The following MAML2 variants were observed in gnomAD, a reference collection of about 807,000 sequenced individuals.
MAML2 encodes the protein mastermind-like protein 2.
In MAML2, 22 loss-of-function variants were observed where a neutral mutation model predicts 96.1. That is an observed-to-expected ratio of 0.23 (90% CI 0.16 to 0.33). The LOEUF (loss-of-function observed/expected upper bound fraction) is 0.33, where lower values mean the gene tolerates loss of function less well. MAML2 is among the 10% of genes least tolerant of loss of function. MAML2 has a pLI of 1.00. For synonymous variants in MAML2, 561 were observed against 521.3 expected, an observed-to-expected ratio of 1.08 and a Z score of -1.04; for missense variants, 1,367 against 1,392.4, an observed-to-expected ratio of 0.98 and a Z score of 0.29.
chr11:96,248,804 T>C (rs1227426431), intron 1 of MAML2, among the ~76,000 whole-genome samples: 1 of 152,248 alleles, frequency 6.6e-6, no homozygotes. Context: ...TCATTTCTTA[T>C]GGATCTACTC....
chr11:96,074,779 T>C (rs555428257), intron 2 of MAML2, among the ~76,000 whole-genome samples: 31 of 152,176 alleles, frequency 2.0e-4, no homozygotes, highest in Non-Finnish European at 4.4e-4. Context: ...AGATTTCGAG[T>C]TATCTTTCTA....
At chr11:96,005,965 T>A (rs1378522797) in intron 2 of MAML2, among the ~76,000 whole-genome samples, 2 of 151,738 alleles carry the variant, frequency 1.3e-5, no homozygotes, top group African/African-American at 4.9e-5. Flanking sequence ...TTACAGGTTG[T>A]CTATTAGACA....
chr11:96,035,104 C>T (rs2135750182), intron 2 of MAML2, among the ~76,000 whole-genome samples: 1 of 152,032 alleles, frequency 6.6e-6, no homozygotes, highest in South Asian at 2.1e-4. Context: ...AATTTAACTC[C>T]CAAAGAAGGA....
At chr11:96,129,239 T>C (rs1024228063) in intron 1 of MAML2, among the ~76,000 whole-genome samples, 1 of 152,242 alleles carries the variant, frequency 6.6e-6, no homozygotes, top group African/African-American at 2.4e-5. Flanking sequence ...ATTCTCACTT[T>C]TTCTTTTCCT....
At chr11:96,331,570 A>G (rs942045805) in intron 1 of MAML2, among the ~76,000 whole-genome samples, 13 of 151,558 alleles carry the variant, frequency 8.6e-5, no homozygotes, top group Admixed American at 5.9e-4. Flanking sequence ...GGCCAAGGTG[A>G]GTGGATCACT....
intron 1 of MAML2, among the ~76,000 whole-genome samples, chr11:96,141,367 TC>T (rs909210281): frequency 2.6e-5 from 4 of 152,126 alleles, no homozygotes; most frequent in Non-Finnish European, 5.9e-5. Flanking sequence ...CCTTGACATC[TC>T]CCCTGAAATA....
intron 1 of MAML2, among the ~76,000 whole-genome samples, chr11:96,143,491 C>T (rs535602481): frequency 6.6e-5 from 10 of 152,134 alleles, no homozygotes; most frequent in Non-Finnish European, 1.5e-4. Context: ...TCCGAAGCTG[C>T]AGGGATTTCC....
intron 1 of MAML2, among the ~76,000 whole-genome samples, chr11:96,161,125 A>G (rs1861097077): frequency 6.6e-6 from 1 of 152,222 alleles, no homozygotes; most frequent in South Asian, 2.1e-4. Flanking sequence ...GGAAGCCACT[A>G]GAAACTGCAG....
At position 95,976,951 on chromosome 11, in the gene MAML2, C is replaced by T. The variant is rs930542174; in HGVS notation, c.*1997G>A. ...AATACAATGTGCACAGCAGAAGAAT[C>T]AAATAAGACACAAGAACTATGGGTT... On this transcript the variant is annotated 3_prime_UTR_variant, in exon 5 of 5. Coordinates refer to ENST00000524717, the MANE Select transcript of MAML2 (RefSeq NM_032427.4). The T allele has an allele frequency of 4.1e-5, 8 of 197,028 alleles. No individual in the cohort carries two copies. The highest frequency in any genetic ancestry group is 8.4e-5 in the Non-Finnish European group (8 of 95,142). The allele number at this position is 197,028 out of a possible 1,614,324, so 12.2% of individuals were successfully genotyped here. A position where few individuals can be genotyped will look rare whatever the true frequency, so the allele number is the denominator to read the frequency against.
intron 4 of MAML2, among the ~76,000 whole-genome samples, chr11:95,980,871 G>A (rs554897191): frequency 8.5e-5 from 13 of 152,176 alleles, no homozygotes; most frequent in Non-Finnish European, 8.8e-5. Context: ...GCAGACAAGG[G>A]TCTCCCCCAC....
intron 1 of MAML2, among the ~76,000 whole-genome samples, chr11:96,246,425 G>A (rs1008579764): frequency 2.0e-5 from 3 of 152,074 alleles, no homozygotes; most frequent in African/African-American, 7.2e-5. Flanking sequence ...AAAATGCTAT[G>A]GAAGCACAAG....
At chr11:96,010,356 T>C (rs1448412602) in intron 2 of MAML2, among the ~76,000 whole-genome samples, 4 of 152,194 alleles carry the variant, frequency 2.6e-5, no homozygotes, top group Admixed American at 2.6e-4. Context: ...GCAAATCTAC[T>C]AGAAGATACA....
chr11:96,010,646 G>T (rs1051634437), intron 2 of MAML2, among the ~76,000 whole-genome samples: 27 of 152,150 alleles, frequency 1.8e-4, no homozygotes, highest in Admixed American at 6.5e-5. Context: ...ATAGTATTTT[G>T]AACCAAAAAG....
chr11:96,182,892 C>T (rs933850570), intron 1 of MAML2, among the ~76,000 whole-genome samples: 13 of 151,996 alleles, frequency 8.6e-5, no homozygotes, highest in African/African-American at 2.7e-4. Flanking sequence ...GCTATCATAC[C>T]CGTTAATTAT....
At chr11:96,314,027 T>C (rs569017518) in intron 1 of MAML2, among the ~76,000 whole-genome samples, 2 of 152,294 alleles carry the variant, frequency 1.3e-5, no homozygotes, top group South Asian at 4.1e-4. Context: ...CTAAATTTGT[T>C]TGTCTTCTTC....
At chr11:96,011,986 T>A (rs1328513942) in intron 2 of MAML2, among the ~76,000 whole-genome samples, 1 of 152,226 alleles carries the variant, frequency 6.6e-6, no homozygotes, top group African/African-American at 2.4e-5. Flanking sequence ...TTGAAGGGTT[T>A]TTATTCCATT....
intron 2 of MAML2, among the ~76,000 whole-genome samples, chr11:96,028,850 C>T (rs935981085): frequency 6.6e-6 from 1 of 152,080 alleles, no homozygotes; most frequent in Non-Finnish European, 1.5e-5. Context: ...AATAATTTTC[C>T]AGGTCTTATC....
intron 1 of MAML2, among the ~76,000 whole-genome samples, chr11:96,263,425 T>A (rs1045373612): frequency 2.6e-5 from 4 of 152,258 alleles, no homozygotes; most frequent in African/African-American, 7.2e-5. Context: ...TAGTCATTGT[T>A]ATTTCACAAT....
At chr11:96,192,847 A>G (rs1861674240) in intron 1 of MAML2, among the ~76,000 whole-genome samples, 1 of 152,224 alleles carries the variant, frequency 6.6e-6, no homozygotes, top group African/African-American at 2.4e-5. Flanking sequence ...ACCGTGAATC[A>G]TGGAGATTTA....
Sources: gnomAD v4.1 joint callset for allele counts (sites outside exome capture counted in the v4.1 genomes callset) on GRCh38, gnomAD v4.1.1 for gene constraint, MANE v1.5 for transcripts, NCBI Gene and HGNC (gene_info 2026-07-23, HGNC 2026-07-21) for gene names.